Variants in SUGCT observed in about 807,000 individuals in gnomAD.
The protein encoded by SUGCT is succinyl-CoA:glutarate-CoA transferase.
In SUGCT, 41 loss-of-function variants were observed where a neutral mutation model predicts 55.0. That is an observed-to-expected ratio of 0.74 (90% CI 0.58 to 0.97). SUGCT has a LOEUF of 0.97. Ranked by LOEUF, SUGCT falls within the 50% of genes least tolerant of loss-of-function variation. The pLI, the probability that SUGCT is intolerant of heterozygous loss-of-function variation, is 0.00. For missense variants in SUGCT, 568 were observed against 547.8 expected, an observed-to-expected ratio of 1.04 and a Z score of -0.37; for synonymous variants, 187 against 200.4, an observed-to-expected ratio of 0.93 and a Z score of 0.56.
chr7:40,137,388 C>T (rs1787754421), intron 1 of SUGCT, among the ~76,000 whole-genome samples: 1 of 152,140 alleles, frequency 6.6e-6, no homozygotes, highest in Admixed American at 6.5e-5. Flanking sequence ...CCTTGGCCTC[C>T]CAAAACTCTG....
chr7:40,274,529 G>T lies in SUGCT; in HGVS notation c.593G>T (p.Arg198Leu). 6.2e-7 allele frequency: 1 copy of T among 1,612,732 alleles called. No homozygotes were observed. The change falls in exon 8 of 14, where the codon CGC becomes CTC. Residue 198 changes from arginine (R) to leucine (L), a missense_variant. Physicochemically the swap from Arg to Leu is moderately radical, Grantham distance 102. Transcript: ENST00000335693. ...ITGPENGDPV[R>L]PGVAMTDLAT... ...TCAAATCAGAATGGAGATCCAGTTC[G>T]CCCAGGAGTAGCTATGACTGATCTT...
At chr7:40,316,958 T>G in intron 9 of SUGCT, 103 bp downstream of exon 9, 2 of 494,790 alleles carry the variant, frequency 4.0e-6, no homozygotes, top group African/African-American at 4.0e-5. Flanking sequence ...TTCAGCTGTT[T>G]TTTTTTTTTT....
At chr7:40,705,983 C>G (rs1785379763) in intron 12 of SUGCT, among the ~76,000 whole-genome samples, 1 of 152,160 alleles carries the variant, frequency 6.6e-6, no homozygotes, top group African/African-American at 2.4e-5. Context: ...GAGAAAAACT[C>G]TATCTGCTTC....
At chr7:40,603,008 A>G (rs905665914) in intron 12 of SUGCT, among the ~76,000 whole-genome samples, 2 of 152,166 alleles carry the variant, frequency 1.3e-5, no homozygotes, top group Non-Finnish European at 2.9e-5. Context: ...TCTGAGCATA[A>G]ATAGGACTGA....
intron 7 of SUGCT, among the ~76,000 whole-genome samples, chr7:40,241,835 G>A (rs375642061): frequency 3.9e-4 from 58 of 149,566 alleles, no homozygotes; most frequent in African/African-American, 1.3e-3. Context: ...CAGGAGAATC[G>A]CTTGAACCCA....
chr7:40,241,929 A>AC (rs1356012530), intron 7 of SUGCT, among the ~76,000 whole-genome samples: 1 of 151,398 alleles, frequency 6.6e-6, no homozygotes, highest in Non-Finnish European at 1.5e-5. Context: ...CAAAAAAAAA[A>AC]AAAAAACCGT....
intron 12 of SUGCT, among the ~76,000 whole-genome samples, chr7:40,708,293 C>A (rs975296297): frequency 6.6e-6 from 1 of 152,080 alleles, no homozygotes; most frequent in Non-Finnish European, 1.5e-5. Context: ...GCCCTTCATT[C>A]CAGGTTGTGA....
At chr7:40,946,512 T>G in the SUGCT span, among the ~76,000 whole-genome samples, 21 of 152,312 alleles carry the variant, frequency 1.4e-4, no homozygotes, top group African/African-American at 4.6e-4. Flanking sequence ...AGCAGTAGGC[T>G]AATCCAGCTC....
At chr7:40,151,533 A>C (rs148913041) in intron 1 of SUGCT, 2 of 192,708 alleles carry the variant, frequency 1.0e-5, no homozygotes, top group African/African-American at 4.7e-5. Flanking sequence ...GATAGTATAG[A>C]TATTTCCAAG....
chr7:40,748,849 T>A (rs570923926), intron 12 of SUGCT, among the ~76,000 whole-genome samples: 2 of 152,256 alleles, frequency 1.3e-5, no homozygotes, highest in South Asian at 4.2e-4. Flanking sequence ...CTGTGCTTGC[T>A]TCTGACCTGG....
At chr7:40,495,208 G>A (rs995756654) in intron 11 of SUGCT, among the ~76,000 whole-genome samples, 15 of 150,850 alleles carry the variant, frequency 9.9e-5, no homozygotes, top group African/African-American at 2.2e-4. Flanking sequence ...CACCACGCCC[G>A]GCTGAAACTA....
chr7:40,182,123 G>C, intron 3 of SUGCT, 95 bp downstream of exon 3: 2 of 679,266 alleles, frequency 2.9e-6, no homozygotes, highest in Non-Finnish European at 5.0e-6. Context: ...CTATAAGTGG[G>C]ATAAGGAGAG....
intron 12 of SUGCT, among the ~76,000 whole-genome samples, chr7:40,511,817 A>G (rs1052285171): frequency 1.3e-5 from 2 of 152,198 alleles, no homozygotes; most frequent in Non-Finnish European, 2.9e-5. Flanking sequence ...ATTGATTACA[A>G]TAATCCTCCT....
chr7:40,837,777 C>T (rs1022619156), intron 13 of SUGCT, among the ~76,000 whole-genome samples: 3 of 152,022 alleles, frequency 2.0e-5, no homozygotes, highest in Non-Finnish European at 2.9e-5. Flanking sequence ...CCATGCCTGG[C>T]TAATTTTTGT....
the SUGCT span, among the ~76,000 whole-genome samples, chr7:41,011,804 C>T: frequency 6.6e-6 from 1 of 152,156 alleles, no homozygotes; most frequent in African/African-American, 2.4e-5. Flanking sequence ...ACTCTTGATT[C>T]ACAGGTATAC....
chr7:40,193,554 G>A (rs1786065327), intron 5 of SUGCT, among the ~76,000 whole-genome samples: 1 of 151,624 alleles, frequency 6.6e-6, no homozygotes, highest in African/African-American at 2.4e-5. Context: ...CAAAGTGCTG[G>A]GATTTACAGG....
intron 1 of SUGCT, among the ~76,000 whole-genome samples, chr7:40,161,038 C>T (rs1784120728): frequency 6.6e-6 from 1 of 152,090 alleles, no homozygotes; most frequent in Non-Finnish European, 1.5e-5. Flanking sequence ...ACTTTAAAGC[C>T]TACCTCTGTC....
At chr7:40,719,716 T>C (rs1786217967) in intron 12 of SUGCT, among the ~76,000 whole-genome samples, 1 of 152,122 alleles carries the variant, frequency 6.6e-6, no homozygotes, top group African/African-American at 2.4e-5. Flanking sequence ...ATGAAGCTGC[T>C]GAAATAAAGG....
At chr7:40,666,719 A>G (rs1801661479) in intron 12 of SUGCT, among the ~76,000 whole-genome samples, 1 of 152,154 alleles carries the variant, frequency 6.6e-6, no homozygotes, top group Admixed American at 6.5e-5. Context: ...AACACTGCAT[A>G]GGAAAGGACA....
Sources: gnomAD v4.1 joint callset for allele counts (sites outside exome capture counted in the v4.1 genomes callset) on GRCh38, gnomAD v4.1.1 for gene constraint, MANE v1.5 for transcripts, NCBI Gene and HGNC (gene_info 2026-07-23, HGNC 2026-07-21) for gene names.